Variants in CPB2 observed in about 807,000 individuals in gnomAD.
CPB2 encodes carboxypeptidase B2.
A neutral mutation model predicts 57.0 loss-of-function variants in CPB2; 54 were observed. The observed-to-expected ratio is 0.95, with a 90% CI of 0.76 to 1.19. The LOEUF (loss-of-function observed/expected upper bound fraction) is 1.19. Ranked by LOEUF, CPB2 falls within the 50% of genes most tolerant of loss-of-function variation. The probability of loss-of-function intolerance (pLI) is 0.00; values close to 1 mark genes in which losing one functional copy is unlikely to be tolerated. For synonymous variants in CPB2, 189 were observed against 178.1 expected (o/e 1.06, Z -0.49); for missense variants, 426 against 512.0 (o/e 0.83, Z 1.62).
chr13:46,092,111 T>G (rs1335380725), intron 1 of CPB2, among the ~76,000 whole-genome samples: 2 of 152,256 alleles, frequency 1.3e-5, no homozygotes, highest in Non-Finnish European at 2.9e-5. Flanking sequence ...GATAGATATA[T>G]TTTAAATTAG....
rs1429990892 is a variant in CPB2 at position 46,073,976 on chromosome 13, A to T, written c.488T>A (p.Val163Asp). 1 of 1,572,866 alleles carries T rather than the reference A, an allele frequency of 6.4e-7. No homozygotes were observed. Among genetic ancestry groups the T allele is most frequent in the Non-Finnish European group, 8.7e-7 (1 of 1,147,850 alleles). ...FEKYPLYVLKVSGKEQAAKNA... is the reference protein window; with the variant it reads ...FEKYPLYVLKDSGKEQAAKNA... ...TTTGGCTGCTTGTTCTTTTCCAGAA[A>T]CCTGCTCAAAGAAACCCCAAAAGTA... Residue 163 changes from valine to aspartate, a missense_variant and splice_region_variant, in exon 6 of 11, where the codon GTT (valine) becomes GAT (aspartate). Transcript: ENST00000181383.
intron 1 of CPB2, chr13:46,100,319 G>A (rs1017038882): frequency 2.0e-5 from 3 of 152,180 alleles, no homozygotes; most frequent in Non-Finnish European, 4.4e-5. Flanking sequence ...CTCTTCTTAT[G>A]CAGAATTTGA....
intron 9 of CPB2, 66 bp downstream of exon 9, chr13:46,058,113 A>G (rs1188065867): frequency 6.8e-7 from 1 of 1,473,074 alleles, no homozygotes; most frequent in Admixed American, 2.0e-5. Context: ...CCAGTTTTTG[A>G]TTCTTCAACT....
Position 46,073,948 on chromosome 13 carries a change from AT to A in CPB2, c.515del (p.Asn172MetfsTer24), listed in dbSNP as rs1488724408. The A allele has an allele frequency of 1.9e-6, 3 of 1,589,534 alleles. No individual in the cohort carries two copies. Among genetic ancestry groups the A allele is most frequent in the Non-Finnish European group, 1.7e-6 (2 of 1,160,700 alleles). ...KVSGKEQAAK[N>X]AIWIDCGIHA... ...GGATTCCACAGTCAATCCATATGGC[AT>A]TTTTGGCTGCTTGTTCTTTTCCAGA... On this transcript the variant is annotated frameshift_variant, in exon 6 of 11. Transcript: ENST00000181383. LOFTEE classifies it high-confidence loss of function.
At chr13:46,085,378 T>C (rs558032598) in intron 2 of CPB2, among the ~76,000 whole-genome samples, 1 of 152,280 alleles carries the variant, frequency 6.6e-6, no homozygotes, top group South Asian at 2.1e-4. Flanking sequence ...ATATGCACCA[T>C]TTAGCTCTTC....
chr13:46,058,528 CTAAG>C, intron 8 of CPB2, 147 bp from the exon 9 acceptor site: 1 of 665,074 alleles, frequency 1.5e-6, no homozygotes, highest in Non-Finnish European at 2.6e-6. Context: ...CATAGTTCCA[CTAAG>C]TGTTATGTTT....
chr13:46,080,667 G>A (rs149547164), intron 4 of CPB2, among the ~76,000 whole-genome samples: 1 of 152,118 alleles, frequency 6.6e-6, no homozygotes, highest in East Asian at 1.9e-4. Flanking sequence ...GGATGCATGT[G>A]CACAAACAAA....
Position 46,084,353 on chromosome 13 carries a change from AAGGGGC to A in CPB2, c.151-16_151-11del. 6.2e-7 allele frequency: 1 copy of A among 1,613,816 alleles called. No individual in the cohort carries two copies. Among genetic ancestry groups the A allele is most frequent in the East Asian group, 2.2e-5 (1 of 44,876 alleles). On this transcript the variant is annotated splice_polypyrimidine_tract_variant and intron_variant, in intron 2 of 10. Transcript: ENST00000181383. ...GCTGCCAGAGAACAATCTACAGTTTAAGGGGCAAAATTGATAAAATTAAAAAAGAGT... is the reference window on the plus strand; with the variant it reads ...GCTGCCAGAGAACAATCTACAGTTTAAAAATTGATAAAATTAAAAAAGAGT...
intron 10 of CPB2, among the ~76,000 whole-genome samples, chr13:46,054,599 C>G (rs2044667157): frequency 6.6e-6 from 1 of 151,988 alleles, no homozygotes; most frequent in South Asian, 2.1e-4. Flanking sequence ...AGGTTTATGG[C>G]AAAGTCTGAC....
intron 8 of CPB2, among the ~76,000 whole-genome samples, chr13:46,060,701 C>T (rs1456856150): frequency 6.6e-6 from 1 of 152,104 alleles, no homozygotes; most frequent in Non-Finnish European, 1.5e-5. Context: ...TTAGTGGCTA[C>T]TATGCTGGAC....
chr13:46,083,095 C>T (rs921287484), intron 3 of CPB2, among the ~76,000 whole-genome samples: 4 of 151,980 alleles, frequency 2.6e-5, no homozygotes, highest in Middle Eastern at 3.2e-3. Context: ...ATTTGTTAAC[C>T]AGGCAAATAT....
intron 1 of CPB2, among the ~76,000 whole-genome samples, chr13:46,090,427 A>G (rs1411270192): frequency 1.4e-5 from 2 of 144,618 alleles, no homozygotes; most frequent in African/African-American, 2.6e-5. Flanking sequence ...CAATGGAGCG[A>G]TCTTGGCTCA....
At chr13:46,067,791 C>G (rs1326544763) in intron 6 of CPB2, among the ~76,000 whole-genome samples, 1 of 152,194 alleles carries the variant, frequency 6.6e-6, no homozygotes, top group East Asian at 1.9e-4. Context: ...GCTTAAACTA[C>G]CTACCATGTT....
intron 8 of CPB2, among the ~76,000 whole-genome samples, chr13:46,063,687 G>C (rs2044809950): frequency 6.6e-6 from 1 of 152,098 alleles, no homozygotes. Flanking sequence ...TATATACTCA[G>C]TGATGAGATT....
intron 1 of CPB2, among the ~76,000 whole-genome samples, chr13:46,095,595 C>T (rs1056258905): frequency 1.8e-4 from 28 of 152,148 alleles, no homozygotes; most frequent in African/African-American, 5.1e-4. Context: ...ATATGTCAGT[C>T]GGAAAAAGCA....
chr13:46,087,569 A>G (rs961778664), intron 2 of CPB2, among the ~76,000 whole-genome samples, 176 bp downstream of exon 2: 3 of 152,246 alleles, frequency 2.0e-5, no homozygotes, highest in African/African-American at 7.2e-5. Flanking sequence ...GCACAAGTGA[A>G]GAAGTGTTGA....
chr13:46,090,439 T>G (rs7330367), intron 1 of CPB2, among the ~76,000 whole-genome samples: 114,271 of 149,168 alleles, frequency 0.77, 43,973 homozygotes, highest in East Asian at 0.81. Flanking sequence ...CTTGGCTCAG[T>G]GCAACCTCCG....
In CPB2 at chr13:46,081,376, G is replaced by GC. The variant is rs547915575; in HGVS notation, c.384+1064_384+1065insG. 4.7e-3 allele frequency among the ~76,000 whole-genome samples: 713 copies of GC among 152,278 alleles called. 4 individuals are homozygous for GC. The highest frequency in any genetic ancestry group is 0.016 in the African/African-American group (659 of 41,550). ...TGACAGTTTCACCTTTTATGAAGGT[G>GC]AAATCCCACCTATGAAGCCTCTCTG... On this transcript the variant is annotated intron_variant, in intron 4 of 10. Transcript: ENST00000181383.
At chr13:46,080,638 A>C (rs2045097988) in intron 4 of CPB2, among the ~76,000 whole-genome samples, 1 of 152,142 alleles carries the variant, frequency 6.6e-6, no homozygotes, top group African/African-American at 2.4e-5. Flanking sequence ...GGAGATTAAG[A>C]TATACAGAGA....
Sources: gnomAD v4.1 joint callset for allele counts (sites outside exome capture counted in the v4.1 genomes callset) on GRCh38, gnomAD v4.1.1 for gene constraint, MANE v1.5 for transcripts, NCBI Gene and HGNC (gene_info 2026-07-23, HGNC 2026-07-21) for gene names.